The following ACSM2B variants were observed in gnomAD, a reference collection of about 807,000 sequenced individuals.
ACSM2B encodes the protein acyl-coenzyme A synthetase ACSM2B, mitochondrial.
A neutral mutation model predicts 78.6 loss-of-function variants in ACSM2B; 58 were observed. The ratio of observed to expected loss-of-function variants is 0.74; its 90% CI spans 0.60 to 0.92. ACSM2B has a LOEUF of 0.92. Among genes scored for constraint, ACSM2B ranks in the 40% least tolerant of loss-of-function variants. The pLI, the probability that ACSM2B is intolerant of heterozygous loss-of-function variation, is 0.00. For synonymous variants in ACSM2B, 257 were observed against 256.8 expected, an observed-to-expected ratio of 1.00 and a Z score of -0.01; for missense variants, 688 against 711.2, an observed-to-expected ratio of 0.97 and a Z score of 0.37.
chr16:20,552,912 T>C (rs2015363010), intron 5 of ACSM2B, among the ~76,000 whole-genome samples: 1 of 152,216 alleles, frequency 6.6e-6, no homozygotes, highest in Non-Finnish European at 1.5e-5. Context: ...CTTTCAGCTC[T>C]GTAGGGAAAT....
chr16:20,557,421 G>C (rs1439722526), intron 3 of ACSM2B, among the ~76,000 whole-genome samples: 1 of 145,582 alleles, frequency 6.9e-6, no homozygotes, highest in Non-Finnish European at 1.5e-5. Context: ...CCAATTGCCT[G>C]TTAAATCCAC....
At chr16:20,570,964 T>C (rs2016077233) in intron 1 of ACSM2B, among the ~76,000 whole-genome samples, 1 of 145,282 alleles carries the variant, frequency 6.9e-6, no homozygotes, top group South Asian at 2.1e-4. Context: ...TTCTCTCTTC[T>C]TTTTTTTGGT....
At chr16:20,566,887 T>C (rs2015911275) in intron 1 of ACSM2B, among the ~76,000 whole-genome samples, 1 of 127,802 alleles carries the variant, frequency 7.8e-6, no homozygotes, top group Admixed American at 1.0e-4. Context: ...ATATATAATA[T>C]ATGATACACA....
chr16:20,564,930 T>C (rs1596732352), intron 1 of ACSM2B, 77 bp from the exon 2 acceptor site: 1 of 1,516,944 alleles, frequency 6.6e-7, no homozygotes, highest in Non-Finnish European at 8.8e-7. Context: ...CTTCAGGAGA[T>C]TCATCCCAAC....
At chr16:20,558,880 G>C (rs191394815) in intron 3 of ACSM2B, among the ~76,000 whole-genome samples, 3 of 152,168 alleles carry the variant, frequency 2.0e-5, no homozygotes, top group Non-Finnish European at 4.4e-5. Context: ...GGCAGGATTT[G>C]GCCTGCAGGT....
chr16:20,574,219 A>T (rs1019630408), intron 1 of ACSM2B: 1 of 152,034 alleles, frequency 6.6e-6, no homozygotes, highest in African/African-American at 2.4e-5. Context: ...GAAGAAAAAT[A>T]TGGCTCTATT....
intron 12 of ACSM2B, 35 bp from the exon 13 acceptor site, chr16:20,540,808 T>C (rs1346703912): frequency 6.2e-7 from 1 of 1,605,750 alleles, no homozygotes; most frequent in Admixed American, 1.7e-5. Flanking sequence ...GATAAGGGAT[T>C]AGAGTGTGTA....
chr16:20,543,074 G>A (rs1175389794), intron 11 of ACSM2B, 61 bp from the exon 12 acceptor site: 3 of 1,612,882 alleles, frequency 1.9e-6, no homozygotes, highest in Non-Finnish European at 2.5e-6. Flanking sequence ...CATTCCGGAA[G>A]TCTGGAACCA....
intron 1 of ACSM2B, among the ~76,000 whole-genome samples, chr16:20,566,659 T>TATATATACTACATATA (rs374224028): frequency 2.1e-4 from 1 of 4,862 alleles, no homozygotes; most frequent in African/African-American, 6.1e-4. Flanking sequence ...ACTATATATA[T>TATATATACTACATATA]GTATATATAG....
chr16:20,543,949 T>A (rs547400615), intron 10 of ACSM2B, among the ~76,000 whole-genome samples: 3 of 152,162 alleles, frequency 2.0e-5, no homozygotes, highest in Non-Finnish European at 4.4e-5. Flanking sequence ...AAGAGTTTAG[T>A]CTGAAGCTAA....
At chr16:20,557,180 C>G (rs780545624) in intron 3 of ACSM2B, among the ~76,000 whole-genome samples, 62 of 151,402 alleles carry the variant, frequency 4.1e-4, no homozygotes, top group African/African-American at 9.9e-4. Context: ...CTGTCTCCAT[C>G]TCAAATTTTA....
At chr16:20,538,460 A>G (rs547344126) in intron 13 of ACSM2B, among the ~76,000 whole-genome samples, 2 of 152,318 alleles carry the variant, frequency 1.3e-5, no homozygotes, top group South Asian at 2.1e-4. Flanking sequence ...TTTGGGCCCC[A>G]AAGGGTAGAT....
chr16:20,556,880 G>A (rs1167487124), intron 3 of ACSM2B, among the ~76,000 whole-genome samples: 1 of 152,034 alleles, frequency 6.6e-6, no homozygotes, highest in African/African-American at 2.4e-5. Flanking sequence ...CTTTCTCTCT[G>A]GCTTGTTCTC....
intron 4 of ACSM2B, chr16:20,554,234 C>G (rs1405297290): frequency 1.0e-5 from 5 of 497,090 alleles, no homozygotes; most frequent in Non-Finnish European, 7.5e-6. Flanking sequence ...ACTCTGCCAC[C>G]AAAGAAATGA....
In ACSM2B at chr16:20,564,787, C is replaced by A; in HGVS notation, c.59G>T (p.Ser20Ile). ...LCTLWGTQMSSRTLYINSRQL... is the reference protein window; with the variant it reads ...LCTLWGTQMSIRTLYINSRQL... Reference sequence around the variant, plus strand: ...CCTACTATTAATGTAGAGAGTGCGGCTGGACATCTGAGTACCCCACAGGGT... The same window carrying A: ...CCTACTATTAATGTAGAGAGTGCGGATGGACATCTGAGTACCCCACAGGGT... Residue 20 changes from serine (S) to isoleucine (I), a missense_variant, in exon 2 of 14, where the codon AGC becomes ATC. Coordinates refer to ENST00000329697, the MANE Select transcript of ACSM2B (RefSeq NM_001105069.2). 1 of 1,613,266 alleles carries A rather than the reference C, an allele frequency of 6.2e-7. No homozygotes were observed. Among genetic ancestry groups the A allele is most frequent in the Admixed American group, 1.7e-5 (1 of 59,866 alleles).
chr16:20,561,663 C>A (rs1421183531), intron 2 of ACSM2B, among the ~76,000 whole-genome samples: 3 of 151,694 alleles, frequency 2.0e-5, no homozygotes, highest in African/African-American at 4.8e-5. Context: ...GTCCTTCTCA[C>A]ATTGAAAAAT....
In ACSM2B at chr16:20,545,123, T is replaced by C. The variant is rs537994586; in HGVS notation, c.1281+34A>G. 7 of 1,595,148 alleles carry C rather than the reference T, an allele frequency of 4.4e-6. No homozygotes were observed. In the African/African-American group the frequency reaches 9.4e-5, roughly 21 times the overall value. ...TCCCGTTTAGTGCTCCCATCCTCACTGGGGAACAGAGGAGGAGAAGCACAG... is the reference window on the plus strand; with the variant it reads ...TCCCGTTTAGTGCTCCCATCCTCACCGGGGAACAGAGGAGGAGAAGCACAG... On this transcript the variant is annotated intron_variant, in intron 10 of 13. Transcript: ENST00000329697.
rs549256374 is a variant in ACSM2B, at chr16:20,548,154, C to G, written c.1006G>C (p.Ala336Pro). Residue 336 changes from alanine to proline, a missense_variant, in exon 8 of 14, where the codon GCT becomes CCT. Transcript: ENST00000329697. ...YKFPHLQNCL[A>P]GGESLLPETL... ...TCTGGAAGAAGGGACTCCCCTCCAG[C>G]GAGGCAGTTCTGTAGATGGGGGAAC... The G allele has an allele frequency of 1.9e-6, 3 of 1,613,574 alleles. No individual in the cohort carries two copies. The highest frequency in any genetic ancestry group is 2.5e-6 in the Non-Finnish European group (3 of 1,179,572).
intron 1 of ACSM2B, among the ~76,000 whole-genome samples, chr16:20,567,187 C>A (rs1290912360): frequency 3.9e-5 from 5 of 128,786 alleles, no homozygotes; most frequent in African/African-American, 1.2e-4. Flanking sequence ...ACTATTATAA[C>A]ATATTATACT....
Sources: gnomAD v4.1 joint callset for allele counts (sites outside exome capture counted in the v4.1 genomes callset) on GRCh38, gnomAD v4.1.1 for gene constraint, MANE v1.5 for transcripts, NCBI Gene and HGNC (gene_info 2026-07-23, HGNC 2026-07-21) for gene names.